The following MAF variants were observed in gnomAD, a reference collection of about 807,000 sequenced individuals.
MAF encodes the protein MAF bZIP transcription factor.
MAF carries 10 observed loss-of-function variants against 22.0 expected under a neutral mutation model. The ratio of observed to expected loss-of-function variants is 0.45; its 90% CI spans 0.28 to 0.77. The LOEUF (loss-of-function observed/expected upper bound fraction) is 0.77. MAF is among the 30% of genes least tolerant of loss of function. The pLI is 0.12. For synonymous variants in MAF, 337 were observed against 255.8 expected (o/e 1.32, Z -3.03); for missense variants, 544 against 548.4 (o/e 0.99, Z 0.08).
At position 79,599,801 on chromosome 16, in the gene MAF, C is replaced by A; in HGVS notation, c.102G>T (p.Lys34Asn). ...DFDLMKFEVK[K>N]EPVETDRIIS... ...TGATGCGGTCGGTCTCCACCGGTTC[C>A]TTTTTCACTTCAAACTTCATCAGAT... is the stretch of plus-strand genomic sequence containing the variant. The change falls in exon 1 of 2, where the codon AAG becomes AAT. Residue 34 changes from lysine (K) to asparagine (N), a missense_variant. Transcript: ENST00000326043. The A allele has an allele frequency of 6.2e-7, 1 of 1,613,042 alleles. No individual in the cohort carries two copies. Among genetic ancestry groups the A allele is most frequent in the Non-Finnish European group, 8.5e-7 (1 of 1,179,942 alleles).
chr16:79,300,121 T>C, the MAF span, among the ~76,000 whole-genome samples: 1 of 152,356 alleles, frequency 6.6e-6, no homozygotes, highest in African/African-American at 2.4e-5. Context: ...CAAGTATTAA[T>C]ATATGTTAGT....
intron 1 of MAF, among the ~76,000 whole-genome samples, chr16:79,588,496 G>T (rs992470859): frequency 3.3e-5 from 5 of 151,760 alleles, no homozygotes; most frequent in Non-Finnish European, 7.4e-5. Context: ...GTGCAGTGGC[G>T]CAATCTGGGC....
the MAF span, among the ~76,000 whole-genome samples, chr16:79,216,227 A>T: frequency 3.3e-5 from 5 of 152,194 alleles, no homozygotes. Context: ...TCATGTGCAC[A>T]TCTATATGTG....
chr16:79,484,237 C>G, the MAF span, among the ~76,000 whole-genome samples: 131,199 of 152,206 alleles, frequency 0.86, 56,661 homozygotes, highest in East Asian at 0.94. Flanking sequence ...TGAGAATCCA[C>G]TGAATGCCCT....
chr16:79,375,516 A>G, the MAF span, among the ~76,000 whole-genome samples: 31 of 152,278 alleles, frequency 2.0e-4, no homozygotes, highest in Non-Finnish European at 3.7e-4. Context: ...TGATGATGAT[A>G]TATTAATGAT....
chr16:79,523,128 G>T, the MAF span, among the ~76,000 whole-genome samples: 2 of 152,104 alleles, frequency 1.3e-5, no homozygotes, highest in East Asian at 3.9e-4. Context: ...TGATCCGTTG[G>T]TCAATACTGT....
the MAF span, among the ~76,000 whole-genome samples, chr16:79,405,348 C>T: frequency 1.3e-5 from 2 of 152,160 alleles, no homozygotes; most frequent in African/African-American, 4.8e-5. Flanking sequence ...CTGAGCCTCA[C>T]AGAAACAAAG....
the MAF span, among the ~76,000 whole-genome samples, chr16:79,533,826 C>T: frequency 1.3e-5 from 2 of 152,248 alleles, no homozygotes; most frequent in Non-Finnish European, 2.9e-5. Context: ...CCAGTGATGT[C>T]CTTCCTTTGA....
At chr16:79,557,217 C>A in the MAF span, among the ~76,000 whole-genome samples, 3 of 151,758 alleles carry the variant, frequency 2.0e-5, no homozygotes, top group African/African-American at 4.9e-5. Context: ...TACACTTGGG[C>A]TGCTGGGGGA....
the MAF span, among the ~76,000 whole-genome samples, chr16:79,357,253 C>CA: frequency 3.6e-3 from 533 of 146,078 alleles, 2 homozygotes; most frequent in Middle Eastern, 0.017. Context: ...AAGACTCTGT[C>CA]ACAACAACAA....
At chr16:79,449,997 G>A in the MAF span, among the ~76,000 whole-genome samples, 527 of 152,298 alleles carry the variant, frequency 3.5e-3, 9 homozygotes, top group South Asian at 0.043. Flanking sequence ...GACAGACGCC[G>A]CTAAAACAAT....
At chr16:79,385,860 T>C in the MAF span, among the ~76,000 whole-genome samples, 1 of 152,176 alleles carries the variant, frequency 6.6e-6, no homozygotes, top group Non-Finnish European at 1.5e-5. Context: ...TGAGCCAAGA[T>C]AGTGCCACTG....
At chr16:79,576,920 T>A in the MAF span, among the ~76,000 whole-genome samples, 1 of 152,226 alleles carries the variant, frequency 6.6e-6, no homozygotes, top group Non-Finnish European at 1.5e-5. Context: ...TGCTGATAAC[T>A]TTTTATTAAA....
At chr16:79,210,027 T>TAAGTTC in the MAF span, among the ~76,000 whole-genome samples, 7 of 152,286 alleles carry the variant, frequency 4.6e-5, no homozygotes, top group Non-Finnish European at 8.8e-5. Context: ...CAGCTACTAT[T>TAAGTTC]AAGTTCAAGT....
At chr16:79,412,515 G>T in the MAF span, among the ~76,000 whole-genome samples, 1 of 152,174 alleles carries the variant, frequency 6.6e-6, no homozygotes, top group Non-Finnish European at 1.5e-5. Context: ...ATTTGGGCTG[G>T]GTAACTGTTG....
chr16:79,408,714 C>T, the MAF span, among the ~76,000 whole-genome samples: 5 of 151,852 alleles, frequency 3.3e-5, no homozygotes, highest in African/African-American at 1.2e-4. Flanking sequence ...CTCTCTCCTC[C>T]ACTCCCTTTT....
chr16:79,418,803 C>G, the MAF span, among the ~76,000 whole-genome samples: 6 of 152,118 alleles, frequency 3.9e-5, no homozygotes, highest in Non-Finnish European at 8.8e-5. Flanking sequence ...ATATCAGGAG[C>G]AAATGCAGAG....
the MAF span, among the ~76,000 whole-genome samples, chr16:79,521,137 G>T: frequency 1.3e-5 from 2 of 152,172 alleles, no homozygotes; most frequent in African/African-American, 4.8e-5. Context: ...TGTTGAGGAG[G>T]GCAAGGAGCA....
At chr16:79,227,136 G>C in the MAF span, among the ~76,000 whole-genome samples, 104 of 152,180 alleles carry the variant, frequency 6.8e-4, no homozygotes, top group Non-Finnish European at 7.1e-4. Flanking sequence ...CCAGGAGTTT[G>C]AGATGAGCCT....
Sources: allele counts gnomAD v4.1 joint callset (sites outside exome capture counted in the v4.1 genomes callset), GRCh38; gene constraint gnomAD v4.1.1; transcripts MANE v1.5; gene names NCBI Gene and HGNC (gene_info 2026-07-23, HGNC 2026-07-21).